NDUFAF7: variants seen among roughly 807,000 people sequenced by gnomAD.
NDUFAF7 encodes the protein protein arginine methyltransferase NDUFAF7, mitochondrial.
Under a neutral mutation model 47.2 loss-of-function variants are expected in NDUFAF7, and 48 were observed. The observed-to-expected ratio is 1.02, with a 90% CI of 0.81 to 1.29. The LOEUF is 1.29. NDUFAF7 is among the 50% of genes most tolerant of loss of function. The probability of loss-of-function intolerance (pLI) is 0.00; values close to 1 mark genes in which losing one functional copy is unlikely to be tolerated. For missense variants in NDUFAF7, 635 were observed against 537.6 expected, an observed-to-expected ratio of 1.18 and a Z score of -1.79; for synonymous variants, 217 against 190.0, an observed-to-expected ratio of 1.14 and a Z score of -1.17.
chr2:37,254,388 G>A, downstream of NDUFAF7: 1 of 855,948 alleles, frequency 1.2e-6, no homozygotes, highest in Non-Finnish European at 1.9e-6. Flanking sequence ...GAAATACAGG[G>A]TTGAGGAATT....
chr2:37,233,515 C>T (rs1213080606), intron 2 of NDUFAF7, among the ~76,000 whole-genome samples: 1 of 151,762 alleles, frequency 6.6e-6, no homozygotes, highest in Non-Finnish European at 1.5e-5. Context: ...GTAATCCCAG[C>T]TAGTCAGGAG....
chr2:37,262,232 A>G, the NDUFAF7 span, among the ~76,000 whole-genome samples: 2 of 152,176 alleles, frequency 1.3e-5, no homozygotes, highest in Non-Finnish European at 2.9e-5. Flanking sequence ...GCTGAGTTCC[A>G]TGTCTAAGAT....
intron 4 of NDUFAF7, among the ~76,000 whole-genome samples, chr2:37,238,199 A>T (rs190822091): frequency 6.6e-6 from 1 of 152,278 alleles, no homozygotes; most frequent in Admixed American, 6.5e-5. Flanking sequence ...TGAGAGGCCA[A>T]GGTGGGCAGA....
At chr2:37,236,475 A>C (rs1436223338) in intron 3 of NDUFAF7, among the ~76,000 whole-genome samples, 1 of 151,876 alleles carries the variant, frequency 6.6e-6, no homozygotes, top group African/African-American at 2.4e-5. Flanking sequence ...AATCAGATGA[A>C]GGAAGAGAAT....
the NDUFAF7 span, among the ~76,000 whole-genome samples, chr2:37,261,084 C>G: frequency 6.6e-6 from 1 of 152,172 alleles, no homozygotes; most frequent in Non-Finnish European, 1.5e-5. Flanking sequence ...ATCTAAATTC[C>G]TTTGTCAACA....
rs749828709 is a variant in NDUFAF7 at position 37,236,143 on chromosome 2, T to C, written c.264T>C (p.Ile88=). The change falls in exon 3 of 10, where the codon ATT becomes ATC. Residue 88 remains isoleucine (I), a synonymous_variant. Transcript: ENST00000002125. The part of the protein sequence containing the change: ...RDMLGEKGDF[I]TSPEISQIFG... Reference sequence around the variant, plus strand: ...TGCTAGGCGAAAAAGGAGATTTCATTACTTCACCTGAAATAAGTCAAATCT... The same window carrying C: ...TGCTAGGCGAAAAAGGAGATTTCATCACTTCACCTGAAATAAGTCAAATCT... 1 of 1,613,272 alleles carries C rather than the reference T, an allele frequency of 6.2e-7. No homozygotes were observed. Among genetic ancestry groups the C allele is most frequent in the African/African-American group, 1.3e-5 (1 of 75,048 alleles).
At position 37,231,705 on chromosome 2, in the gene NDUFAF7, C is replaced by A; in HGVS notation, c.-1C>A. The A allele has an allele frequency of 1.9e-6, 3 of 1,614,246 alleles. No homozygotes were observed. Among genetic ancestry groups the A allele is most frequent in the Non-Finnish European group, 2.5e-6 (3 of 1,180,032 alleles). ...GAGCGAGCTAGCCTGCGAATTTCAG[C>A]ATGAGTGTACTGCTGAGGTCAGGTT... On this transcript the variant is annotated 5_prime_UTR_variant, in exon 1 of 10. Transcript: ENST00000002125.
chr2:37,266,635 C>T, the NDUFAF7 span, among the ~76,000 whole-genome samples: 2 of 151,996 alleles, frequency 1.3e-5, no homozygotes, highest in Non-Finnish European at 2.9e-5. Flanking sequence ...TATGGGCATG[C>T]GCCACCGTGC....
the NDUFAF7 span, among the ~76,000 whole-genome samples, chr2:37,259,242 TC>T: frequency 6.6e-6 from 1 of 152,234 alleles, no homozygotes; most frequent in Admixed American, 6.5e-5. Flanking sequence ...ATCTCCCATT[TC>T]CAGTAACACC....
chr2:37,270,241 A>G, the NDUFAF7 span, among the ~76,000 whole-genome samples: 1 of 151,972 alleles, frequency 6.6e-6, no homozygotes. Context: ...AAAAAAAAAA[A>G]TCTTGTATTT....
chr2:37,263,436 G>C, the NDUFAF7 span, among the ~76,000 whole-genome samples: 2 of 152,106 alleles, frequency 1.3e-5, 1 homozygote, highest in South Asian at 4.1e-4. Flanking sequence ...AATCTGCTTA[G>C]ATCTACCTTA....
intron 7 of NDUFAF7, 148 bp downstream of exon 7, chr2:37,244,121 C>T: frequency 1.4e-6 from 1 of 701,466 alleles, no homozygotes; most frequent in South Asian, 1.7e-5. Flanking sequence ...AGTGAAAGTG[C>T]AGAGGAGCTA....
At chr2:37,231,822 C>T in intron 1 of NDUFAF7, 62 bp downstream of exon 1, 1 of 1,609,298 alleles carries the variant, frequency 6.2e-7, no homozygotes, top group Non-Finnish European at 8.5e-7. Flanking sequence ...CCTTCCTCAG[C>T]TCTTCAGTTG....
At position 37,231,742 on chromosome 2, in the gene NDUFAF7, T is replaced by G. The variant is rs530133541; in HGVS notation, c.37T>G (p.Cys13Gly). ...GCTGAGGTCAGGTTTGGGGCCGTTG[T>G]GTGCCGTGGCGCGCGCAGGTAAGCG... is the stretch of plus-strand genomic sequence containing the variant. ...VLLRSGLGPL[C>G]AVARAAIPFI... The change falls in exon 1 of 10, where the codon TGT (cysteine) becomes GGT (glycine). Residue 13 changes from cysteine to glycine, a missense_variant. Coordinates refer to ENST00000002125, the MANE Select transcript of NDUFAF7 (RefSeq NM_144736.5). The G allele has an allele frequency of 5.6e-6, 9 of 1,614,244 alleles. No individual in the cohort carries two copies. The South Asian group carries it at 7.7e-5, about 14-fold the overall frequency.
rs961657744 is a variant in NDUFAF7, at chr2:37,234,196, T to A, written c.217-1900T>A. The stretch of plus-strand genomic sequence containing the variant: ...CCTCCACCTTCAAGGTTCAAAGGAT[T>A]CTTGTGCCTCAGCCTCCCGAGTAGT... On this transcript the variant is annotated intron_variant, in intron 2 of 9. Transcript: ENST00000002125. Among the ~76,000 whole-genome samples, 22 of 152,286 alleles carry A rather than the reference T, an allele frequency of 1.4e-4. No homozygotes were observed. In the East Asian group the frequency reaches 4.2e-3, roughly 29 times the overall value.
chr2:37,243,259 T>C (rs374467594), intron 6 of NDUFAF7, among the ~76,000 whole-genome samples: 7 of 152,284 alleles, frequency 4.6e-5, no homozygotes, highest in East Asian at 3.9e-4. Context: ...AAGACCAGCC[T>C]GGCCAACATG....
chr2:37,247,796 G>T (rs956591893), intron 9 of NDUFAF7, among the ~76,000 whole-genome samples, 167 bp downstream of exon 9: 1 of 152,106 alleles, frequency 6.6e-6, no homozygotes, highest in African/African-American at 2.4e-5. Context: ...TAAGTTTTAT[G>T]CATCTCCATG....
chr2:37,231,691 C>T lies in NDUFAF7; in HGVS notation c.-15C>T, dbSNP rs368166925. The T allele has an allele frequency of 2.5e-6, 4 of 1,614,232 alleles. No individual in the cohort carries two copies. The African/African-American group carries it at 4.0e-5, about 16-fold the overall frequency. ...CCCAGCTCCTGGCGGAGCGAGCTAG[C>T]CTGCGAATTTCAGCATGAGTGTACT... On this transcript the variant is annotated 5_prime_UTR_variant, in exon 1 of 10. Transcript: ENST00000002125.
At chr2:37,259,535 T>G in the NDUFAF7 span, 1 of 1,440,908 alleles carries the variant, frequency 6.9e-7, no homozygotes, top group Non-Finnish European at 9.7e-7. Context: ...TGTGGGTGCT[T>G]TGAAAATGTT....
Sources: allele counts gnomAD v4.1 joint callset (sites outside exome capture counted in the v4.1 genomes callset), GRCh38; gene constraint gnomAD v4.1.1; transcripts MANE v1.5; gene names NCBI Gene and HGNC (gene_info 2026-07-23, HGNC 2026-07-21).